The following GSE1 variants were observed in gnomAD, a reference collection of about 807,000 sequenced individuals.
GSE1 encodes genetic suppressor element 1.
Under a neutral mutation model 112.6 loss-of-function variants are expected in GSE1, and 32 were observed. That is an observed-to-expected ratio of 0.28 (90% CI 0.21 to 0.38). The LOEUF is 0.38. Among genes scored for constraint, GSE1 ranks in the 10% least tolerant of loss-of-function variants. The pLI, the probability that GSE1 is intolerant of heterozygous loss-of-function variation, is 1.00. For synonymous variants in GSE1, 1,115 were observed against 735.6 expected (o/e 1.52, Z -8.35); for missense variants, 2,348 against 1,699.2 (o/e 1.38, Z -6.71).
At chr16:85,331,246 G>C (rs1448037844) in intron 1 of GSE1, among the ~76,000 whole-genome samples, 12 of 149,754 alleles carry the variant, frequency 8.0e-5, no homozygotes, top group Admixed American at 7.4e-4. Flanking sequence ...TCCACCTCCC[G>C]AGTTCAAGCG....
chr16:85,379,472 C>T (rs1279533901), intron 2 of GSE1, among the ~76,000 whole-genome samples: 1 of 152,178 alleles, frequency 6.6e-6, no homozygotes. Context: ...TGAGAAGATT[C>T]CAGGAGGTCT....
chr16:85,651,361 A>C (rs2051338160), intron 3 of GSE1, among the ~76,000 whole-genome samples: 1 of 151,648 alleles, frequency 6.6e-6, no homozygotes, highest in Admixed American at 6.5e-5. Context: ...AGCCACAGAC[A>C]TGTGGGTCTG....
chr16:85,293,361 C>T lies in GSE1; in HGVS notation c.2284-64102C>T, dbSNP rs147704212. Among the ~76,000 whole-genome samples the T allele has an allele frequency of 7.2e-5, 11 of 152,170 alleles. No individual in the cohort carries two copies. In the East Asian group the frequency reaches 1.9e-3, roughly 27 times the overall value. On this transcript the variant is annotated intron_variant, in intron 1 of 2. Coordinates refer to the GSE1 transcript ENST00000637419. ...AGGAGTTTGAGACCAGCCTGGTCAA[C>T]ATGGTGAAACCCTGTCCCTGCTAAA...
intron 1 of GSE1, among the ~76,000 whole-genome samples, chr16:85,275,513 C>G (rs373029986): frequency 1.4e-4 from 21 of 152,338 alleles, no homozygotes; most frequent in African/African-American, 5.0e-4. Context: ...ACTCGACAAG[C>G]CACCGAGTTC....
chr16:85,668,500 T>C, intron 14 of GSE1, 76 bp downstream of exon 14: 1 of 954,898 alleles, frequency 1.0e-6, no homozygotes, highest in Non-Finnish European at 1.6e-6. Context: ...GATGAGTTCA[T>C]GCAGACCTCT....
intron 1 of GSE1, among the ~76,000 whole-genome samples, chr16:85,331,836 C>T: frequency 6.6e-6 from 1 of 151,690 alleles, no homozygotes; most frequent in Non-Finnish European, 1.5e-5. Flanking sequence ...GCATGAGTCA[C>T]CGCGCCCAGC....
At position 85,268,968 on chromosome 16, in the gene GSE1, G is replaced by C. The variant is rs1041128604; in HGVS notation, c.2284-88495G>C. 7.1e-5 allele frequency among the ~76,000 whole-genome samples: 9 copies of C among 127,448 alleles called. 2 individuals are homozygous for C. The highest frequency in any genetic ancestry group is 1.6e-4 in the Non-Finnish European group (8 of 51,582). The allele number at this position is 127,448 out of a possible 152,430, so 83.6% of individuals were successfully genotyped here. ...AGGTTCTGATTTTAATGACAGGGGA[G>C]GGGGAGGCTGCAGAAAATGCCAGGA... On this transcript the variant is annotated intron_variant, in intron 1 of 2. Coordinates refer to the GSE1 transcript ENST00000637419.
At chr16:85,385,292 C>G (rs1355593777) in intron 2 of GSE1, among the ~76,000 whole-genome samples, 1 of 152,336 alleles carries the variant, frequency 6.6e-6, no homozygotes, top group East Asian at 1.9e-4. Context: ...GGCCCAGGTG[C>G]AGGCAGGGCT....
At chr16:85,433,460 AC>A (rs2049168364) in intron 2 of GSE1, among the ~76,000 whole-genome samples, 1 of 151,966 alleles carries the variant, frequency 6.6e-6, no homozygotes, top group South Asian at 2.1e-4. Flanking sequence ...ATCCCTGGCC[AC>A]CCCCAGGGAC....
intron 1 of GSE1, among the ~76,000 whole-genome samples, chr16:85,304,391 G>A (rs2045609795): frequency 6.6e-6 from 1 of 152,206 alleles, no homozygotes; most frequent in African/African-American, 2.4e-5. Context: ...GGGGCTGGGT[G>A]CCTGCATTCT....
At chr16:85,642,351 A>C (rs1189436443) in intron 2 of GSE1, among the ~76,000 whole-genome samples, 1 of 152,208 alleles carries the variant, frequency 6.6e-6, no homozygotes, top group Non-Finnish European at 1.5e-5. Flanking sequence ...TTAAACACTA[A>C]CTTGGGGACA....
intron 2 of GSE1, among the ~76,000 whole-genome samples, chr16:85,435,692 G>A (rs2049230422): frequency 2.2e-5 from 2 of 92,148 alleles, no homozygotes; most frequent in Admixed American, 2.1e-4. Flanking sequence ...GGATGAGGAT[G>A]GCCTGGGAAT....
At chr16:85,374,326 A>T (rs1294538430) in intron 2 of GSE1, among the ~76,000 whole-genome samples, 1 of 146,060 alleles carries the variant, frequency 6.8e-6, no homozygotes, top group Non-Finnish European at 1.5e-5. Flanking sequence ...AGTGTGTGTC[A>T]GTGTGCCTCT....
chr16:85,656,231 T>C, intron 6 of GSE1, 112 bp from the exon 7 acceptor site: 2 of 1,332,754 alleles, frequency 1.5e-6, no homozygotes, highest in Non-Finnish European at 2.1e-6. Context: ...CTCCCGTCAC[T>C]GTTCAGATTA....
upstream of GSE1, chr16:85,555,823 CCT>C (rs1374433344): frequency 2.4e-5 from 22 of 925,558 alleles, no homozygotes; most frequent in Admixed American, 6.3e-5. Context: ...TTCTTTCCCC[CCT>C]CTCTCTTTTC....
chr16:85,343,273 T>G (rs2046662824), intron 1 of GSE1, among the ~76,000 whole-genome samples: 1 of 152,156 alleles, frequency 6.6e-6, no homozygotes, highest in African/African-American at 2.4e-5. Context: ...ACTGTGTGAT[T>G]CCATTTCCAT....
At chr16:85,303,064 C>T (rs946376014) in intron 1 of GSE1, among the ~76,000 whole-genome samples, 7 of 152,206 alleles carry the variant, frequency 4.6e-5, no homozygotes, top group African/African-American at 1.4e-4. Context: ...CCGCCTGCAG[C>T]GAGGGGGTGA....
At chr16:85,667,970 G>A (rs1289622841) in intron 13 of GSE1, among the ~76,000 whole-genome samples, 170 bp from the exon 14 acceptor site, 1 of 53,058 alleles carries the variant, frequency 1.9e-5, no homozygotes, top group Admixed American at 1.7e-4. Context: ...TTTCTCAAGT[G>A]GCCCAGAGGC....
intron 1 of GSE1, among the ~76,000 whole-genome samples, chr16:85,592,066 G>A (rs543449471): frequency 4.6e-5 from 7 of 152,100 alleles, no homozygotes; most frequent in Admixed American, 2.0e-4. Context: ...CCCCGCTCCC[G>A]TCAGTACAGA....
Sources: allele counts gnomAD v4.1 joint callset (sites outside exome capture counted in the v4.1 genomes callset), GRCh38; gene constraint gnomAD v4.1.1; transcripts MANE v1.5; gene names NCBI Gene and HGNC (gene_info 2026-07-23, HGNC 2026-07-21).